The following HMCN2 variants were observed in gnomAD, a reference collection of about 807,000 sequenced individuals.
HMCN2 encodes the protein hemicentin-2.
HMCN2 carries 325 observed loss-of-function variants against 377.5 expected under a neutral mutation model. That is an observed-to-expected ratio of 0.86 (90% CI 0.79 to 0.94). The LOEUF (loss-of-function observed/expected upper bound fraction) is 0.94, where lower values mean the gene tolerates loss of function less well. Ranked by LOEUF, HMCN2 falls within the 40% of genes least tolerant of loss-of-function variation. The pLI, the probability that HMCN2 is intolerant of heterozygous loss-of-function variation, is 0.00. For synonymous variants in HMCN2, 2,007 were observed against 2,046.8 expected (o/e 0.98, Z 0.53); for missense variants, 4,543 against 4,725.3 (o/e 0.96, Z 1.13).
rs1842606599 is a variant in HMCN2 at position 130,396,287 on chromosome 9, G to T, written c.11172G>T (p.Arg3724Ser). ...CCCTCGTGAGCTGGCGGAAGGACAG[G>T]GTCCCCCTGGATCCCAGGAGCCCCA... ...PAPLVSWRKD[R>S]VPLDPRSPRF... Residue 3724 changes from arginine to serine, a missense_variant, in exon 73 of 98, where the codon AGG (arginine) becomes AGT (serine). Transcript: ENST00000683500. 1 of 1,279,108 alleles carries T rather than the reference G, an allele frequency of 7.8e-7. No homozygotes were observed. Among genetic ancestry groups the T allele is most frequent in the Middle Eastern group, 2.1e-4 (1 of 4,672 alleles). 79.2% of individuals were successfully genotyped at this position (1,279,108 alleles called of 1,614,324 possible). A position where few individuals can be genotyped will look rare whatever the true frequency, so the allele number is the denominator to read the frequency against.
chr9:130,281,848 C>T (rs916305858), intron 1 of HMCN2, among the ~76,000 whole-genome samples: 2 of 149,966 alleles, frequency 1.3e-5, no homozygotes, highest in African/African-American at 4.9e-5. Flanking sequence ...CGAGATTGCA[C>T]CACTGTGCTC....
intron 55 of HMCN2, 40 bp from the exon 56 acceptor site, chr9:130,382,639 A>G: frequency 2.2e-3 from 501 of 229,280 alleles, no homozygotes; most frequent in Middle Eastern, 4.4e-3. Flanking sequence ...GCCCCCAGGG[A>G]CCTGTGCCAG....
In HMCN2 at chr9:130,392,077, C is replaced by A. The variant is rs142086565; in HGVS notation, c.10095C>A (p.Leu3365=). 1.6e-3 allele frequency: 1,623 copies of A among 988,586 alleles called. 26 individuals are homozygous for A. The African/African-American group carries it at 0.026, about 16-fold the overall frequency. 61.2% of individuals were successfully genotyped at this position (988,586 alleles called of 1,614,324 possible). A position where few individuals can be genotyped will look rare whatever the true frequency, so the allele number is the denominator to read the frequency against. ...TCAAGGACGGCCTGCCCCTCCCGCT[C>A]TCCCAGCGCACCCTCCTCCACGGCT... is the stretch of plus-strand genomic sequence containing the variant. ...SWLKDGLPLP[L]SQRTLLHGSG... Residue 3365 remains leucine, a synonymous_variant, in exon 66 of 98, where the codon CTC becomes CTA. Transcript: ENST00000683500.
intron 86 of HMCN2, 182 bp downstream of exon 86, chr9:130,419,223 C>A: frequency 1.9e-6 from 1 of 519,706 alleles, no homozygotes. Context: ...TAAACTGAAT[C>A]TTGGAGGTGC....
chr9:130,348,848 G>A (rs1839538600), intron 27 of HMCN2, 136 bp from the exon 28 acceptor site: 2 of 1,207,370 alleles, frequency 1.7e-6, no homozygotes, highest in Admixed American at 2.6e-5. Context: ...GTGAAGCCTG[G>A]CAGGGGCTGC....
At chr9:130,266,725 C>T (rs1208615926) in intron 1 of HMCN2, among the ~76,000 whole-genome samples, 1 of 152,218 alleles carries the variant, frequency 6.6e-6, no homozygotes, top group Non-Finnish European at 1.5e-5. Context: ...GTGTGCTGGC[C>T]CCGTGGCCTC....
At chr9:130,345,168 G>A in intron 25 of HMCN2, among the ~76,000 whole-genome samples, 1 of 148,652 alleles carries the variant, frequency 6.7e-6, no homozygotes, top group African/African-American at 2.5e-5. Context: ...TGTGTGTGGT[G>A]TGTGTATGGT....
chr9:130,386,555 C>T, intron 61 of HMCN2, 31 bp downstream of exon 61: 1 of 1,279,806 alleles, frequency 7.8e-7, no homozygotes, highest in Admixed American at 2.3e-5. Context: ...GCCAACGTGA[C>T]TGTGGAGCCC....
intron 76 of HMCN2, chr9:130,400,535 A>T (rs1450672518): frequency 9.0e-6 from 2 of 222,824 alleles, no homozygotes; most frequent in East Asian, 3.1e-4. Context: ...ACTGCATTCC[A>T]GCCTGGGCAA....
At chr9:130,354,171 T>C (rs1016439496) in intron 31 of HMCN2, among the ~76,000 whole-genome samples, 1 of 152,234 alleles carries the variant, frequency 6.6e-6, no homozygotes, top group Non-Finnish European at 1.5e-5. Context: ...CGGTTGCCCC[T>C]TGTGCCCTGG....
At chr9:130,334,691 CTCTT>C (rs1427183192) in intron 22 of HMCN2, among the ~76,000 whole-genome samples, 3,610 of 144,966 alleles carry the variant, frequency 0.025, 121 homozygotes, top group African/African-American at 0.072. Flanking sequence ...CTTTCTTTCT[CTCTT>C]TCTTTCTTTC....
chr9:130,427,215 A>G, intron 90 of HMCN2, 98 bp from the exon 91 acceptor site: 1 of 1,285,038 alleles, frequency 7.8e-7, no homozygotes, highest in Non-Finnish European at 1.1e-6. Context: ...TGCCTGGCTA[A>G]GCTGGCAGTG....
Position 130,379,442 on chromosome 9 carries a change from C to T in HMCN2, c.8406C>T (p.Ala2802=), listed in dbSNP as rs1326679969. 16 of 985,848 alleles carry T rather than the reference C, an allele frequency of 1.6e-5. No individual in the cohort carries two copies. The highest frequency in any genetic ancestry group is 1.2e-4 in the Admixed American group (2 of 16,276). 61.1% of individuals were successfully genotyped at this position (985,848 alleles called of 1,614,324 possible). The stretch of plus-strand genomic sequence containing the variant: ...ACAGAGAGGATCAGCCCCTCTCGGC[C>T]GGGGATGAGGTGTCTGTGCTGCAAG... The part of the protein sequence containing the change: ...TWYREDQPLS[A]GDEVSVLQGG... Residue 2802 remains alanine, a synonymous_variant, in exon 54 of 98, where the codon GCC becomes GCT. Coordinates refer to ENST00000683500, the MANE Select transcript of HMCN2 (RefSeq NM_001291815.2).
At chr9:130,373,511 C>G (rs1339578634) in intron 48 of HMCN2, among the ~76,000 whole-genome samples, 2 of 150,694 alleles carry the variant, frequency 1.3e-5, no homozygotes, top group Non-Finnish European at 2.9e-5. Flanking sequence ...TGCCTTGTCA[C>G]CATGGTTTCC....
At position 130,351,809 on chromosome 9, in the gene HMCN2, TAC is replaced by T. The variant is rs1839732604; in HGVS notation, c.4585+233_4585+234del. Among the ~76,000 whole-genome samples, 3 of 152,162 alleles carry T rather than the reference TAC, an allele frequency of 2.0e-5. No individual in the cohort carries two copies. The East Asian group carries it at 5.8e-4, about 29-fold the overall frequency. Reference sequence around the variant, plus strand: ...GGTTTCCATCCCAGCTCTAAAAATTTACTACTTATGTTTTTTTTTTGAGATGA... The same window carrying T: ...GGTTTCCATCCCAGCTCTAAAAATTTTACTTATGTTTTTTTTTTGAGATGA... On this transcript the variant is annotated intron_variant, in intron 30 of 97. Coordinates refer to ENST00000683500, the MANE Select transcript of HMCN2 (RefSeq NM_001291815.2). This position sits in a 1 kb window ranked among gnomAD's most constrained non-coding sequence, Gnocchi z 5.4.
intron 22 of HMCN2, among the ~76,000 whole-genome samples, chr9:130,330,151 G>A (rs1200171496): frequency 2.0e-5 from 3 of 151,922 alleles, no homozygotes; most frequent in Middle Eastern, 3.4e-3. Context: ...TGGCTGATGC[G>A]TCTGGTGAGT....
In HMCN2 at chr9:130,425,788, C is replaced by T. The variant is rs1844309856; in HGVS notation, c.13743C>T (p.Asn4581=). The change falls in exon 90 of 98, where the codon AAC becomes AAT. Residue 4581 remains asparagine (N), a synonymous_variant. Transcript: ENST00000683500. ...QGGLPSFLRC[N]HSIQYNAARG... Reference sequence around the variant, plus strand: ...GCCTCCCCTCGTTCCTACGCTGCAACCACAGCATCCAGTACAACGCGGCCC... The same window carrying T: ...GCCTCCCCTCGTTCCTACGCTGCAATCACAGCATCCAGTACAACGCGGCCC... 1.3e-6 allele frequency: 2 copies of T among 1,550,486 alleles called. No homozygotes were observed. Among genetic ancestry groups the T allele is most frequent in the Non-Finnish European group, 1.7e-6 (2 of 1,146,996 alleles).
chr9:130,301,307 G>A (rs144168040), intron 8 of HMCN2, among the ~76,000 whole-genome samples: 359 of 152,388 alleles, frequency 2.4e-3, no homozygotes, highest in African/African-American at 8.3e-3. Flanking sequence ...GGGAATAACA[G>A]CCTCTATTTT....
chr9:130,307,630 T>TG, intron 14 of HMCN2, 64 bp downstream of exon 14: 1 of 469,188 alleles, frequency 2.1e-6, no homozygotes. Context: ...TGAGGGGAGG[T>TG]GGGGGTGTCC....
Sources: allele counts gnomAD v4.1 joint callset (sites outside exome capture counted in the v4.1 genomes callset), GRCh38; gene constraint gnomAD v4.1.1; non-coding constraint Gnocchi (gnomAD v3.1); transcripts MANE v1.5; gene names NCBI Gene and HGNC (gene_info 2026-07-23, HGNC 2026-07-21).